Variants in ADGRA3 observed in about 807,000 individuals in gnomAD.
ADGRA3 encodes adhesion G protein-coupled receptor A3.
A neutral mutation model predicts 119.8 loss-of-function variants in ADGRA3; 56 were observed. The observed-to-expected ratio is 0.47, with a 90% CI of 0.38 to 0.58. The LOEUF (loss-of-function observed/expected upper bound fraction) is 0.58. Among genes scored for constraint, ADGRA3 ranks in the 20% least tolerant of loss-of-function variants. The pLI is 0.00. For synonymous variants in ADGRA3, 607 were observed against 623.8 expected (o/e 0.97, Z 0.40); for missense variants, 1,516 against 1,649.0 (o/e 0.92, Z 1.40).
intron 1 of ADGRA3, among the ~76,000 whole-genome samples, chr4:22,505,353 C>T (rs935038928): frequency 6.6e-6 from 1 of 152,144 alleles, no homozygotes; most frequent in Non-Finnish European, 1.5e-5. Context: ...TCCCGTTGCC[C>T]ATTTAGAATT....
chr4:22,462,315 T>C (rs980671446), intron 2 of ADGRA3, among the ~76,000 whole-genome samples: 1 of 152,090 alleles, frequency 6.6e-6, no homozygotes, highest in African/African-American at 2.4e-5. Context: ...TTGTTGTTGT[T>C]GTTGTTGTTG....
intron 1 of ADGRA3, chr4:22,514,474 C>CATTTGGTT (rs1363016287): frequency 6.6e-6 from 1 of 152,178 alleles, no homozygotes; most frequent in African/African-American, 2.4e-5. Context: ...CCTGTGTATA[C>CATTTGGTT]TCCTGCTGAA....
chr4:22,396,817 A>C (rs777122638), intron 16 of ADGRA3, among the ~76,000 whole-genome samples: 3 of 152,060 alleles, frequency 2.0e-5, no homozygotes, highest in African/African-American at 4.8e-5. Context: ...AGCCCTAAAA[A>C]CTCATTGCAA....
Position 22,515,508 on chromosome 4 carries a change from G to C in ADGRA3, c.257+20C>G. On this transcript the variant is annotated intron_variant, in intron 1 of 18. Coordinates refer to ENST00000334304, the MANE Select transcript of ADGRA3 (RefSeq NM_145290.4). Reference sequence around the variant, plus strand: ...AAAGAGCCGAGCGGGAGAGGACCCAGCGTCGCGGGAGATACTCACAGGGTG... The same window carrying C: ...AAAGAGCCGAGCGGGAGAGGACCCACCGTCGCGGGAGATACTCACAGGGTG... 6.2e-7 allele frequency: 1 copy of C among 1,601,000 alleles called. No homozygotes were observed. Among genetic ancestry groups the C allele is most frequent in the Non-Finnish European group, 8.5e-7 (1 of 1,173,460 alleles).
intron 4 of ADGRA3, among the ~76,000 whole-genome samples, chr4:22,450,468 G>A (rs994489225): frequency 2.0e-5 from 3 of 152,080 alleles, no homozygotes; most frequent in Admixed American, 2.0e-4. Context: ...GTTTCATCAT[G>A]TTAGCCAGGC....
At chr4:22,508,128 G>A (rs1164317435) in intron 1 of ADGRA3, among the ~76,000 whole-genome samples, 1 of 152,102 alleles carries the variant, frequency 6.6e-6, no homozygotes, top group Non-Finnish European at 1.5e-5. Context: ...TGCTTTCAAG[G>A]GTATATGCAT....
intron 16 of ADGRA3, among the ~76,000 whole-genome samples, chr4:22,399,309 C>A (rs1264049648): frequency 1.3e-5 from 2 of 152,128 alleles, no homozygotes; most frequent in African/African-American, 4.8e-5. Flanking sequence ...TTGTAACTTA[C>A]CTTTTCAGCT....
At chr4:22,457,536 G>T (rs558722506) in intron 3 of ADGRA3, among the ~76,000 whole-genome samples, 6 of 152,078 alleles carry the variant, frequency 3.9e-5, no homozygotes, top group African/African-American at 1.2e-4. Flanking sequence ...TCTTCTAGTG[G>T]GAAGAATATT....
intron 1 of ADGRA3, among the ~76,000 whole-genome samples, chr4:22,505,180 T>A (rs1719193984): frequency 6.6e-6 from 1 of 152,078 alleles, no homozygotes; most frequent in Non-Finnish European, 1.5e-5. Context: ...GATGACTGTG[T>A]GAGTCACTTA....
chr4:22,406,013 C>A (rs1165199662), intron 14 of ADGRA3, among the ~76,000 whole-genome samples: 1 of 152,076 alleles, frequency 6.6e-6, no homozygotes, highest in Non-Finnish European at 1.5e-5. Flanking sequence ...CTCCTTTCTA[C>A]CTCCATGAGA....
intron 1 of ADGRA3, among the ~76,000 whole-genome samples, chr4:22,499,341 G>A (rs537165266): frequency 9.9e-5 from 15 of 152,262 alleles, no homozygotes; most frequent in East Asian, 5.8e-4. Flanking sequence ...CAAAAACCTC[G>A]TTTTACTAGT....
chr4:22,391,238 G>C (rs1714123402), intron 17 of ADGRA3, among the ~76,000 whole-genome samples: 1 of 151,992 alleles, frequency 6.6e-6, no homozygotes, highest in Non-Finnish European at 1.5e-5. Context: ...GCTGAGCCCT[G>C]GACTTCTAAA....
In ADGRA3 at chr4:22,417,525, G is replaced by A. The variant is rs540752441; in HGVS notation, c.1809+3361C>T. Among the ~76,000 whole-genome samples, 48 of 152,246 alleles carry A rather than the reference G, an allele frequency of 3.2e-4. No individual in the cohort carries two copies. In the South Asian group the frequency reaches 7.9e-3, roughly 25 times the overall value. ...CCATTTCATAATCTGCATAACAGCC[G>A]AGAAACTGACATTCAGAAAGGTTAA... On this transcript the variant is annotated intron_variant, in intron 12 of 18. Coordinates refer to ENST00000334304, the MANE Select transcript of ADGRA3 (RefSeq NM_145290.4).
chr4:22,400,594 T>C (rs1714589016), intron 16 of ADGRA3, among the ~76,000 whole-genome samples: 1 of 152,126 alleles, frequency 6.6e-6, no homozygotes, highest in Admixed American at 6.6e-5. Context: ...TTATACAAGA[T>C]GAAAAGTTCT....
rs1489685280 is a variant in ADGRA3 at position 22,387,951 on chromosome 4, G to A, written c.3720C>T (p.Ser1240=). Residue 1240 remains serine (S), a synonymous_variant, in exon 19 of 19, where the codon AGC becomes AGT. Transcript: ENST00000334304. ...TTTTGGGAAGTGTGCTACAAGCATC[G>A]CTGCTGTCTTGCTGGGGTGGGTTGT... ...RQYNPPQQDS[S]DACSTLPKSS... 3 of 1,614,120 alleles carry A rather than the reference G, an allele frequency of 1.9e-6. No individual in the cohort carries two copies. The highest frequency in any genetic ancestry group is 1.1e-5 in the South Asian group (1 of 91,074).
intron 1 of ADGRA3, among the ~76,000 whole-genome samples, chr4:22,493,666 C>A (rs1718707570): frequency 6.6e-6 from 1 of 152,126 alleles, no homozygotes; most frequent in African/African-American, 2.4e-5. Context: ...AACAAGCCTT[C>A]CCGGAGGAGT....
chr4:22,431,664 C>A (rs1350132321), intron 10 of ADGRA3, among the ~76,000 whole-genome samples: 1 of 152,128 alleles, frequency 6.6e-6, no homozygotes, highest in Non-Finnish European at 1.5e-5. Flanking sequence ...TGTGAGGCCT[C>A]CCCAGATGTG....
chr4:22,508,665 G>A (rs1455362714), intron 1 of ADGRA3, among the ~76,000 whole-genome samples: 1 of 152,086 alleles, frequency 6.6e-6, no homozygotes, highest in African/African-American at 2.4e-5. Flanking sequence ...TCTCTCCCTT[G>A]GCTGCACTCA....
chr4:22,502,547 C>A (rs73802851), intron 1 of ADGRA3, among the ~76,000 whole-genome samples: 3,466 of 152,086 alleles, frequency 0.023, 139 homozygotes, highest in African/African-American at 0.079. Context: ...AAAGAGTGGT[C>A]ATTCAATCAT....
Sources: gnomAD v4.1 joint callset for allele counts (sites outside exome capture counted in the v4.1 genomes callset) on GRCh38, gnomAD v4.1.1 for gene constraint, MANE v1.5 for transcripts, NCBI Gene and HGNC (gene_info 2026-07-23, HGNC 2026-07-21) for gene names.